The following PRDM16 variants were observed in gnomAD, a reference collection of about 807,000 sequenced individuals.
PRDM16 encodes the protein PR/SET domain 16, also known as histone-lysine N-methyltransferase PRDM16.
Under a neutral mutation model 110.6 loss-of-function variants are expected in PRDM16, and 23 were observed. The observed-to-expected ratio is 0.21, with a 90% CI of 0.15 to 0.29. The LOEUF is 0.29. PRDM16 is among the 10% of genes least tolerant of loss of function. The probability of loss-of-function intolerance (pLI) is 1.00; values close to 1 mark genes in which losing one functional copy is unlikely to be tolerated. For synonymous variants in PRDM16, 799 were observed against 781.8 expected, an observed-to-expected ratio of 1.02 and a Z score of -0.37; for missense variants, 1,615 against 1,794.3, an observed-to-expected ratio of 0.90 and a Z score of 1.81.
At chr1:3,282,046 CTGAACT>C (rs1640720740) in intron 3 of PRDM16, among the ~76,000 whole-genome samples, 1 of 152,226 alleles carries the variant, frequency 6.6e-6, no homozygotes, top group Non-Finnish European at 1.5e-5. Context: ...AACATGTGAC[CTGAACT>C]GAGAACCCCA....
At chr1:3,184,699 C>T (rs1422684812) in intron 1 of PRDM16, among the ~76,000 whole-genome samples, 1 of 152,210 alleles carries the variant, frequency 6.6e-6, no homozygotes, top group African/African-American at 2.4e-5. Context: ...GAAAGGAGAC[C>T]TGGGCCTCTC....
At chr1:3,186,603 A>G in intron 2 of PRDM16, 129 bp downstream of exon 2, 1 of 615,170 alleles carries the variant, frequency 1.6e-6, no homozygotes, top group Non-Finnish European at 2.8e-6. Context: ...CAAATGTCAC[A>G]TTTCCCAGCC....
At chr1:3,274,276 C>T (rs1557573908) in intron 3 of PRDM16, among the ~76,000 whole-genome samples, 2 of 152,118 alleles carry the variant, frequency 1.3e-5, no homozygotes, top group Non-Finnish European at 2.9e-5. Context: ...GGACTTAGGC[C>T]GAGCAGTGGG....
intron 1 of PRDM16, among the ~76,000 whole-genome samples, chr1:3,128,298 GC>G (rs75693174): frequency 0.08 from 12,197 of 152,230 alleles, 1,181 homozygotes; most frequent in East Asian, 0.22. Flanking sequence ...AACACTGGGT[GC>G]CTTGTCCTAG....
At chr1:3,181,449 C>CAA (rs796871884) in intron 1 of PRDM16, among the ~76,000 whole-genome samples, 6 of 36,674 alleles carry the variant, frequency 1.6e-4, no homozygotes, top group African/African-American at 3.5e-4. Context: ...CAGTCTTACA[C>CAA]GGTCTTACAC....
In PRDM16 at chr1:3,284,410, G is replaced by C. The variant is rs201150904; in HGVS notation, c.438+40273G>C. ...GAGCCAGGTGGGCGTTCTCCTATTAGGCCAGAATTTTCAGAGAAAACCAGT... is the reference window on the plus strand; with the variant it reads ...GAGCCAGGTGGGCGTTCTCCTATTACGCCAGAATTTTCAGAGAAAACCAGT... On this transcript the variant is annotated intron_variant, in intron 3 of 16. Coordinates refer to ENST00000270722, the MANE Select transcript of PRDM16 (RefSeq NM_022114.4). 7.9e-5 allele frequency among the ~76,000 whole-genome samples: 12 copies of C among 152,214 alleles called. No individual in the cohort carries two copies. In the East Asian group the frequency reaches 2.3e-3, roughly 29 times the overall value.
rs546133821 is a variant in PRDM16 at position 3,389,670 on chromosome 1, C to T, written c.573+4384C>T. ...ATTTGCACAAGGAGGCCCCAGATCA[C>T]GGCCAAGGGCACACTGGCCCCTTCC... is the stretch of plus-strand genomic sequence containing the variant. On this transcript the variant is annotated intron_variant, in intron 4 of 16. Coordinates refer to ENST00000270722, the MANE Select transcript of PRDM16 (RefSeq NM_022114.4). Among the ~76,000 whole-genome samples, 12 of 152,358 alleles carry T rather than the reference C, an allele frequency of 7.9e-5. No individual in the cohort carries two copies. In the South Asian group the frequency reaches 2.1e-3, roughly 26 times the overall value.
Position 3,206,478 on chromosome 1 carries a change from C to T in PRDM16, c.387+20004C>T, listed in dbSNP as rs1354343729. The T allele has an allele frequency of 1.3e-5, 2 of 152,164 alleles. No individual in the cohort carries two copies. The highest frequency in any genetic ancestry group is 4.8e-5 in the African/African-American group (2 of 41,424). The allele number at this position is 152,164 out of a possible 1,614,324, so 9.4% of individuals were successfully genotyped here. On this transcript the variant is annotated intron_variant, in intron 2 of 16. Transcript: ENST00000270722. The surrounding 1 kb of genome is among the most constrained non-coding windows in gnomAD (Gnocchi z 4.9). ...GTGAGGTCCCGGTGCTGGATAGACG[C>T]ACACGCCTTCACGCATCCTCAGAAA...
At chr1:3,227,245 G>A (rs985436622) in intron 2 of PRDM16, among the ~76,000 whole-genome samples, 7 of 152,346 alleles carry the variant, frequency 4.6e-5, no homozygotes, top group Admixed American at 6.5e-5. Context: ...CCGCAGCCCC[G>A]GTGGCCGTTT....
In PRDM16 at chr1:3,287,588, C is replaced by T. The variant is rs1204296303; in HGVS notation, c.438+43451C>T. ...CGCGGGCATCCAGGATTGCATTTAC[C>T]GGGGCTGGAGCTGCCCCTGCCATGC... On this transcript the variant is annotated intron_variant, in intron 3 of 16. Coordinates refer to ENST00000270722, the MANE Select transcript of PRDM16 (RefSeq NM_022114.4). Among the ~76,000 whole-genome samples, 4 of 29,920 alleles carry T rather than the reference C, an allele frequency of 1.3e-4. 2 individuals are homozygous for T. Among genetic ancestry groups the T allele is most frequent in the African/African-American group, 6.3e-4 (2 of 3,152 alleles). The allele number at this position is 29,920 out of a possible 152,430, so 19.6% of individuals were successfully genotyped here. A position where few individuals can be genotyped will look rare whatever the true frequency, so the allele number is the denominator to read the frequency against.
chr1:3,127,305 G>T (rs1643229381), intron 1 of PRDM16, among the ~76,000 whole-genome samples: 1 of 152,202 alleles, frequency 6.6e-6, no homozygotes. Context: ...CGCAGGCTTT[G>T]CCAAAAGCTG....
chr1:3,072,892 A>T (rs2981890), intron 1 of PRDM16, among the ~76,000 whole-genome samples: 73,068 of 152,196 alleles, frequency 0.48, 18,058 homozygotes, highest in East Asian at 0.76. Flanking sequence ...CCCCTCCCTC[A>T]GCCCCTGGCT....
chr1:3,337,288 A>G (rs559329207), intron 3 of PRDM16, among the ~76,000 whole-genome samples: 1 of 152,312 alleles, frequency 6.6e-6, no homozygotes, highest in Non-Finnish European at 1.5e-5. Flanking sequence ...TGTGAATTCT[A>G]ATTCAGGAGA....
rs549338575 is a variant in PRDM16 at position 3,370,030 on chromosome 1, C to T, written c.439-15122C>T. On this transcript the variant is annotated intron_variant, in intron 3 of 16. Transcript: ENST00000270722. The surrounding 1 kb of genome is among the most constrained non-coding windows in gnomAD (Gnocchi z 4.8). ...CAGGGAGAAGAAAGAAGGATGGGCT[C>T]GGAGAGACTGAGTCAGCTGCAGGGA... Among the ~76,000 whole-genome samples the T allele has an allele frequency of 6.6e-6, 1 of 152,244 alleles. No individual in the cohort carries two copies. Among genetic ancestry groups the T allele is most frequent in the East Asian group, 1.9e-4 (1 of 5,162 alleles).
At chr1:3,079,960 C>G (rs1641985865) in intron 1 of PRDM16, among the ~76,000 whole-genome samples, 1 of 152,238 alleles carries the variant, frequency 6.6e-6, no homozygotes. Context: ...CTCCGTGGCG[C>G]CAGAGTTGGT....
At chr1:3,097,098 C>T (rs745941933) in intron 1 of PRDM16, among the ~76,000 whole-genome samples, 26 of 152,222 alleles carry the variant, frequency 1.7e-4, no homozygotes, top group Admixed American at 3.3e-4. Flanking sequence ...TCACCCAGGC[C>T]GGGATTCTAG....
rs949994137 is a variant in PRDM16 at position 3,290,875 on chromosome 1, G to T, written c.438+46738G>T. On this transcript the variant is annotated intron_variant, in intron 3 of 16. Coordinates refer to ENST00000270722, the MANE Select transcript of PRDM16 (RefSeq NM_022114.4). The surrounding 1 kb of genome is among the most constrained non-coding windows in gnomAD (Gnocchi z 4.8). ...GGGCCCGGAGCACTGGGGGCCCGAG[G>T]TATCTTTCAAAGAGTGATGGTTACG... Among the ~76,000 whole-genome samples the T allele has an allele frequency of 6.6e-6, 1 of 151,968 alleles. No individual in the cohort carries two copies. Among genetic ancestry groups the T allele is most frequent in the African/African-American group, 2.4e-5 (1 of 41,372 alleles).
chr1:3,222,263 C>G (rs891963583), intron 2 of PRDM16, among the ~76,000 whole-genome samples: 1 of 133,612 alleles, frequency 7.5e-6, no homozygotes, highest in East Asian at 2.7e-4. Flanking sequence ...GAGCTGGTGA[C>G]GACAGATGTA....
intron 2 of PRDM16, among the ~76,000 whole-genome samples, chr1:3,212,790 G>A (rs1041173103): frequency 2.0e-5 from 3 of 152,050 alleles, no homozygotes; most frequent in African/African-American, 7.3e-5. Context: ...CTACCTCGGC[G>A]TGGCTCTGCC....
Sources: gnomAD v4.1 joint callset for allele counts (sites outside exome capture counted in the v4.1 genomes callset) on GRCh38, gnomAD v4.1.1 for gene constraint, Gnocchi (gnomAD v3.1) non-coding constraint, MANE v1.5 for transcripts, NCBI Gene and HGNC (gene_info 2026-07-23, HGNC 2026-07-21) for gene names.